STXBP5L: variants seen among roughly 807,000 people sequenced by gnomAD.
STXBP5L encodes the protein syntaxin-binding protein 5-like.
STXBP5L carries 65 observed loss-of-function variants against 144.5 expected under a neutral mutation model. That is an observed-to-expected ratio of 0.45 (90% CI 0.37 to 0.55). STXBP5L has a LOEUF of 0.55. Ranked by LOEUF, STXBP5L falls within the 20% of genes least tolerant of loss-of-function variation. The probability of loss-of-function intolerance (pLI) is 0.00; values close to 1 mark genes in which losing one functional copy is unlikely to be tolerated. For missense variants in STXBP5L, 1,298 were observed against 1,405.5 expected (o/e 0.92, Z 1.22); for synonymous variants, 505 against 469.6 (o/e 1.08, Z -0.97).
At position 121,078,015 on chromosome 3, in the gene STXBP5L, G is replaced by A. The variant is rs141679569; in HGVS notation, c.470+32480G>A. Among the ~76,000 whole-genome samples the A allele has an allele frequency of 8.4e-4, 128 of 152,250 alleles. 2 individuals are homozygous for A. Among genetic ancestry groups the A allele is most frequent in the East Asian group, 8.1e-3 (42 of 5,164 alleles). ...TGGTACATTCACAAACCCTGAGCTA[G>A]ACACAGGGTGCTGATTGGTGTGTTC... On this transcript the variant is annotated intron_variant, in intron 5 of 26. Transcript: ENST00000471454.
intron 8 of STXBP5L, among the ~76,000 whole-genome samples, chr3:121,156,982 G>A (rs915840405): frequency 6.6e-6 from 1 of 151,960 alleles, no homozygotes; most frequent in African/African-American, 2.4e-5. Context: ...AATTACTTTT[G>A]AATCTTATCT....
At chr3:121,031,842 G>C (rs774068175) in intron 3 of STXBP5L, among the ~76,000 whole-genome samples, 1 of 152,054 alleles carries the variant, frequency 6.6e-6, no homozygotes, top group Non-Finnish European at 1.5e-5. Context: ...ATGCTTCAAA[G>C]TAGAATTGAC....
chr3:121,079,798 AGTT>A (rs1341812670), intron 5 of STXBP5L, among the ~76,000 whole-genome samples: 1 of 152,182 alleles, frequency 6.6e-6, no homozygotes, highest in Non-Finnish European at 1.5e-5. Flanking sequence ...TGTATTATGC[AGTT>A]GTTGGGAAGA....
At chr3:121,324,425 G>C (rs2044077400) in intron 20 of STXBP5L, 1 of 605,978 alleles carries the variant, frequency 1.7e-6, no homozygotes, top group Non-Finnish European at 2.9e-6. Flanking sequence ...CTTTATTAAA[G>C]ATAAAAATTA....
In STXBP5L at chr3:121,423,638, A is replaced by C. The variant is rs534991578; in HGVS notation, c.*4541A>C. On this transcript the variant is annotated 3_prime_UTR_variant, in exon 27 of 27. Transcript: ENST00000471454. ...AGGAAATTTTTAAATTCCCAATTAT[A>C]TTAAAATCATTTGGAGTGGGAACCA... 1 of 152,208 alleles carries C rather than the reference A, an allele frequency of 6.6e-6. No homozygotes were observed. Among genetic ancestry groups the C allele is most frequent in the Non-Finnish European group, 1.5e-5 (1 of 68,042 alleles). 9.4% of individuals were successfully genotyped at this position (152,208 alleles called of 1,614,324 possible).
chr3:121,083,167 C>T (rs564691287), intron 5 of STXBP5L, among the ~76,000 whole-genome samples: 8 of 151,958 alleles, frequency 5.3e-5, no homozygotes, highest in Admixed American at 2.6e-4. Flanking sequence ...CCACTGCACT[C>T]CAGCCTGGCA....
intron 2 of STXBP5L, among the ~76,000 whole-genome samples, chr3:120,952,965 A>ATT (rs956682815): frequency 6.8e-6 from 1 of 148,106 alleles, no homozygotes; most frequent in African/African-American, 2.5e-5. Context: ...TGCCCAGCTA[A>ATT]TTTTTTTTTT....
At chr3:121,056,826 G>T (rs1948492913) in intron 5 of STXBP5L, among the ~76,000 whole-genome samples, 1 of 151,398 alleles carries the variant, frequency 6.6e-6, no homozygotes, top group South Asian at 2.1e-4. Flanking sequence ...TTTCTTATAT[G>T]TACATAAGCC....
At chr3:121,230,134 A>G (rs985954930) in intron 11 of STXBP5L, among the ~76,000 whole-genome samples, 1 of 152,144 alleles carries the variant, frequency 6.6e-6, no homozygotes, top group Non-Finnish European at 1.5e-5. Context: ...GTGTGCTGAG[A>G]TTACTTATGA....
At chr3:121,349,026 T>G (rs1285281852) in intron 20 of STXBP5L, among the ~76,000 whole-genome samples, 1 of 152,122 alleles carries the variant, frequency 6.6e-6, no homozygotes, top group Non-Finnish European at 1.5e-5. Context: ...CTCTTGCTTC[T>G]CTAGTTCTTT....
intron 25 of STXBP5L, 107 bp from the exon 26 acceptor site, chr3:121,418,230 G>A (rs1050254642): frequency 1.6e-6 from 2 of 1,259,830 alleles, no homozygotes; most frequent in South Asian, 1.6e-5. Flanking sequence ...CTCTTTTAAT[G>A]AGAATTATGA....
chr3:121,147,346 ACAC>A (rs1389693132), intron 7 of STXBP5L, among the ~76,000 whole-genome samples: 2 of 152,128 alleles, frequency 1.3e-5, no homozygotes, highest in Non-Finnish European at 2.9e-5. Flanking sequence ...ATTAAGTACT[ACAC>A]TTCTGAATAG....
chr3:121,302,402 T>G (rs1353133831), intron 19 of STXBP5L, among the ~76,000 whole-genome samples: 2 of 152,196 alleles, frequency 1.3e-5, no homozygotes, highest in African/African-American at 4.8e-5. Context: ...CCCTTTATCA[T>G]TTTTTATTGT....
At chr3:121,098,136 T>G (rs991644048) in intron 5 of STXBP5L, among the ~76,000 whole-genome samples, 1 of 152,202 alleles carries the variant, frequency 6.6e-6, no homozygotes, top group Non-Finnish European at 1.5e-5. Context: ...TTATCTAATA[T>G]CTTGATATGT....
intron 11 of STXBP5L, among the ~76,000 whole-genome samples, chr3:121,229,499 T>C (rs914355713): frequency 1.3e-5 from 2 of 152,176 alleles, no homozygotes; most frequent in African/African-American, 4.8e-5. Flanking sequence ...AAAATCTTGA[T>C]TTGCCTGTTA....
chr3:121,019,057 C>T (rs140501401), intron 3 of STXBP5L, among the ~76,000 whole-genome samples: 17 of 152,304 alleles, frequency 1.1e-4, no homozygotes, highest in East Asian at 9.7e-4. Flanking sequence ...ACTGGCCTTT[C>T]GGCTGCAGGC....
intron 19 of STXBP5L, among the ~76,000 whole-genome samples, chr3:121,303,940 A>G (rs113001478): frequency 0.099 from 15,105 of 152,026 alleles, 943 homozygotes; most frequent in Non-Finnish European, 0.14. Flanking sequence ...ATGATGAGTT[A>G]ATGGGTGCAG....
intron 7 of STXBP5L, among the ~76,000 whole-genome samples, chr3:121,130,523 G>A (rs946959003): frequency 2.0e-5 from 3 of 152,082 alleles, no homozygotes; most frequent in South Asian, 2.1e-4. Flanking sequence ...GGGATTGGAA[G>A]GAAATACCTA....
intron 3 of STXBP5L, among the ~76,000 whole-genome samples, chr3:121,009,376 C>T (rs1944598453): frequency 6.6e-6 from 1 of 152,000 alleles, no homozygotes; most frequent in South Asian, 2.1e-4. Flanking sequence ...CCATTTGCAA[C>T]TGCCCAACAG....
Sources: gnomAD v4.1 joint callset for allele counts (sites outside exome capture counted in the v4.1 genomes callset) on GRCh38, gnomAD v4.1.1 for gene constraint, MANE v1.5 for transcripts, NCBI Gene and HGNC (gene_info 2026-07-23, HGNC 2026-07-21) for gene names.